The following IL18R1 variants were observed in gnomAD, a reference collection of about 807,000 sequenced individuals.
IL18R1 encodes interleukin 18 receptor 1.
In IL18R1, 40 loss-of-function variants were observed where a neutral mutation model predicts 48.5. That is an observed-to-expected ratio of 0.82 (90% CI 0.64 to 1.07). IL18R1 has a LOEUF of 1.07. Ranked by LOEUF, IL18R1 falls within the 50% of genes least tolerant of loss-of-function variation. The pLI, the probability that IL18R1 is intolerant of heterozygous loss-of-function variation, is 0.00. For missense variants in IL18R1, 596 were observed against 633.7 expected (o/e 0.94, Z 0.64); for synonymous variants, 232 against 225.9 (o/e 1.03, Z -0.24).
In IL18R1 at chr2:102,355,839, G is replaced by T. The variant is rs1183327787; in HGVS notation, c.-590G>T. On this transcript the variant is annotated 5_prime_UTR_variant, in exon 1 of 11. Coordinates refer to ENST00000233957, the MANE Select transcript of IL18R1 (RefSeq NM_003855.5). ...CTGGGCAGGAAGCGCCAGACGCCTGGGGCCCACGCCGTCCGCGGGAAAAGG... is the reference window on the plus strand; with the variant it reads ...CTGGGCAGGAAGCGCCAGACGCCTGTGGCCCACGCCGTCCGCGGGAAAAGG... 6.6e-6 allele frequency: 1 copy of T among 152,146 alleles called. No homozygotes were observed. The highest frequency in any genetic ancestry group is 1.5e-5 in the Non-Finnish European group (1 of 68,038). The allele number at this position is 152,146 out of a possible 1,614,324, so 9.4% of individuals were successfully genotyped here.
chr2:102,395,444 G>C (rs1265313712), intron 10 of IL18R1, among the ~76,000 whole-genome samples: 1 of 151,788 alleles, frequency 6.6e-6, no homozygotes, highest in Non-Finnish European at 1.5e-5. Flanking sequence ...GGGCATCAAA[G>C]ATATAACAGT....
At chr2:102,373,640 A>G (rs1006285838) in intron 4 of IL18R1, among the ~76,000 whole-genome samples, 2 of 152,156 alleles carry the variant, frequency 1.3e-5, no homozygotes, top group Non-Finnish European at 2.9e-5. Context: ...AGACCACGCT[A>G]TAGGAATTAT....
intron 9 of IL18R1, among the ~76,000 whole-genome samples, chr2:102,394,088 A>T (rs567030904): frequency 6.6e-6 from 1 of 152,294 alleles, no homozygotes; most frequent in Non-Finnish European, 1.5e-5. Context: ...TTCTGAGCAT[A>T]GAAATTGTGA....
Position 102,375,994 on chromosome 2 carries a change from G to A in IL18R1, c.556G>A (p.Val186Met), listed in dbSNP as rs35292939. Reference protein sequence around the residue: ...EFEDQGYYSCVHFLHHNGKLF... With the variant: ...EFEDQGYYSCMHFLHHNGKLF... ...TGAAGATCAGGGGTATTACTCCTGCGTGCATTTCCTTCATCATAATGGAAA... is the reference window on the plus strand; with the variant it reads ...TGAAGATCAGGGGTATTACTCCTGCATGCATTTCCTTCATCATAATGGAAA... Residue 186 changes from valine (V) to methionine (M), a missense_variant, in exon 5 of 11, where the codon GTG becomes ATG. Coordinates refer to ENST00000233957, the MANE Select transcript of IL18R1 (RefSeq NM_003855.5). The A allele has an allele frequency of 6.3e-5, 101 of 1,607,158 alleles. No individual in the cohort carries two copies. The Middle Eastern group carries it at 9.9e-4, about 16-fold the overall frequency.
At chr2:102,362,568 C>T (rs2287037) in intron 1 of IL18R1, 65 bp from the exon 2 acceptor site, 404,443 of 1,071,898 alleles carry the variant, frequency 0.38, 77,870 homozygotes, top group Middle Eastern at 0.5. Flanking sequence ...ATTTTTAAAC[C>T]TTCATAAGAT....
intron 6 of IL18R1, among the ~76,000 whole-genome samples, chr2:102,382,360 A>T (rs1679970438): frequency 6.6e-6 from 1 of 152,166 alleles, no homozygotes; most frequent in Non-Finnish European, 1.5e-5. Context: ...TGTGGTGTGA[A>T]TGTTTGATTA....
At chr2:102,372,439 T>C (rs913084540) in intron 4 of IL18R1, among the ~76,000 whole-genome samples, 2 of 152,238 alleles carry the variant, frequency 1.3e-5, no homozygotes, top group African/African-American at 4.8e-5. Context: ...ATTTCCATTT[T>C]CTCCTGTCAC....
rs187198596 is a variant in IL18R1 at position 102,386,235 on chromosome 2, T to C, written c.810-626T>C. 1.4e-4 allele frequency among the ~76,000 whole-genome samples: 22 copies of C among 152,268 alleles called. No individual in the cohort carries two copies. The East Asian group carries it at 2.7e-3, about 19-fold the overall frequency. On this transcript the variant is annotated intron_variant, in intron 7 of 10. Coordinates refer to ENST00000233957, the MANE Select transcript of IL18R1 (RefSeq NM_003855.5). ...GCCTGTCATTGGTGGGGGAAGTGGA[T>C]GTCATAAGTGTTTACCTGGCATCAA...
At chr2:102,369,527 G>A (rs182575926) in intron 3 of IL18R1, among the ~76,000 whole-genome samples, 1 of 152,336 alleles carries the variant, frequency 6.6e-6, no homozygotes, top group East Asian at 1.9e-4. Context: ...GTGTTGAGGA[G>A]AGAAGCAGCT....
chr2:102,388,728 G>A (rs1267049991), intron 8 of IL18R1, among the ~76,000 whole-genome samples: 1 of 152,186 alleles, frequency 6.6e-6, no homozygotes, highest in Non-Finnish European at 1.5e-5. Flanking sequence ...TTTTGCAAAT[G>A]TGTGACACAG....
chr2:102,359,397 A>T (rs1027768830), intron 1 of IL18R1, among the ~76,000 whole-genome samples: 3 of 152,258 alleles, frequency 2.0e-5, no homozygotes, highest in African/African-American at 7.2e-5. Context: ...TCAAAGCAAA[A>T]GAATGATCGG....
rs1250213149 is a variant in IL18R1 at position 102,397,583 on chromosome 2, A to C, written c.*697A>C. Reference sequence around the variant, plus strand: ...CTCTTTATCTTTCACAAGAGACACAAATTCTAATTGAGTTAATTATCTGGG... The same window carrying C: ...CTCTTTATCTTTCACAAGAGACACACATTCTAATTGAGTTAATTATCTGGG... On this transcript the variant is annotated 3_prime_UTR_variant, in exon 11 of 11. Coordinates refer to ENST00000233957, the MANE Select transcript of IL18R1 (RefSeq NM_003855.5). The C allele has an allele frequency of 6.6e-6, 1 of 152,392 alleles. No individual in the cohort carries two copies. The highest frequency in any genetic ancestry group is 1.9e-4 in the East Asian group (1 of 5,336). 9.4% of individuals were successfully genotyped at this position (152,392 alleles called of 1,614,324 possible).
rs3732127 is a variant in IL18R1 at position 102,397,290 on chromosome 2, G to C, written c.*404G>C. 0.21 allele frequency: 34,369 copies of C among 161,906 alleles called. 4,177 individuals carry two copies. The highest frequency in any genetic ancestry group is 0.33 in the African/African-American group (13,645 of 41,658). 10.0% of individuals were successfully genotyped at this position (161,906 alleles called of 1,614,324 possible). On this transcript the variant is annotated 3_prime_UTR_variant, in exon 11 of 11. Transcript: ENST00000233957. The stretch of plus-strand genomic sequence containing the variant: ...TGAGGGGATTTTAAGTGTCTGAAGA[G>C]GCATTTTCTAGGGACCAGTGGGTGA...
chr2:102,393,232 A>G lies in IL18R1; in HGVS notation c.1112-1237A>G, dbSNP rs544461060. Among the ~76,000 whole-genome samples the G allele has an allele frequency of 2.0e-5, 3 of 151,276 alleles. No individual in the cohort carries two copies. In the South Asian group the frequency reaches 6.2e-4, roughly 31 times the overall value. Reference sequence around the variant, plus strand: ...ACTAGCTCTTACTTAACTAGTAGATAGTTATATTTGATAGCAGTTTAAGAA... The same window carrying G: ...ACTAGCTCTTACTTAACTAGTAGATGGTTATATTTGATAGCAGTTTAAGAA... On this transcript the variant is annotated intron_variant, in intron 9 of 10. Transcript: ENST00000233957.
At position 102,398,143 on chromosome 2, in the gene IL18R1, A is replaced by T. The variant is rs1157249858; in HGVS notation, c.*1257A>T. Reference sequence around the variant, plus strand: ...TTGATTTGAGGAGGTTTGCACATGTAGAGAAGCATACTGGAGAAGCATATC... The same window carrying T: ...TTGATTTGAGGAGGTTTGCACATGTTGAGAAGCATACTGGAGAAGCATATC... On this transcript the variant is annotated 3_prime_UTR_variant, in exon 11 of 11. Transcript: ENST00000233957. 1.3e-5 allele frequency: 2 copies of T among 152,380 alleles called. No homozygotes were observed. Among genetic ancestry groups the T allele is most frequent in the African/African-American group, 4.8e-5 (2 of 41,446 alleles). The allele number at this position is 152,380 out of a possible 1,614,324, so 9.4% of individuals were successfully genotyped here.
intron 5 of IL18R1, 62 bp downstream of exon 5, chr2:102,376,125 T>G: frequency 7.2e-7 from 1 of 1,396,736 alleles, no homozygotes; most frequent in Non-Finnish European, 9.6e-7. Flanking sequence ...AATTTTTTCA[T>G]TCTTCAAAAC....
At chr2:102,357,277 G>C (rs772090501) in intron 1 of IL18R1, among the ~76,000 whole-genome samples, 1 of 152,090 alleles carries the variant, frequency 6.6e-6, no homozygotes, top group Non-Finnish European at 1.5e-5. Flanking sequence ...GGATCATGAG[G>C]TCAGGAGATC....
chr2:102,397,469 G>C lies in IL18R1; in HGVS notation c.*583G>C, dbSNP rs1210768163. On this transcript the variant is annotated 3_prime_UTR_variant, in exon 11 of 11. Transcript: ENST00000233957. The stretch of plus-strand genomic sequence containing the variant: ...TATCCTGGCCACAGTTGCAGCCAAC[G>C]GTTCTTGAAAGCTCGGTAAGGCCCT... 1 of 152,382 alleles carries C rather than the reference G, an allele frequency of 6.6e-6. No individual in the cohort carries two copies. Among genetic ancestry groups the C allele is most frequent in the Non-Finnish European group, 1.5e-5 (1 of 68,088 alleles). The allele number at this position is 152,382 out of a possible 1,614,324, so 9.4% of individuals were successfully genotyped here.
At chr2:102,370,376 C>A (rs1473202538) in intron 3 of IL18R1, among the ~76,000 whole-genome samples, 1 of 152,208 alleles carries the variant, frequency 6.6e-6, no homozygotes, top group East Asian at 1.9e-4. Context: ...CCAGAAATCT[C>A]TATCTCTCCA....
Sources: gnomAD v4.1 joint callset for allele counts (sites outside exome capture counted in the v4.1 genomes callset) on GRCh38, gnomAD v4.1.1 for gene constraint, MANE v1.5 for transcripts, NCBI Gene and HGNC (gene_info 2026-07-23, HGNC 2026-07-21) for gene names.